MAP2K5: variants seen among roughly 807,000 people sequenced by gnomAD.
MAP2K5 encodes mitogen-activated protein kinase kinase 5, also known as dual specificity mitogen-activated protein kinase kinase 5.
In MAP2K5, 49 loss-of-function variants were observed where a neutral mutation model predicts 83.1. That is an observed-to-expected ratio of 0.59 (90% CI 0.47 to 0.75). The LOEUF is 0.75. Among genes scored for constraint, MAP2K5 ranks in the 30% least tolerant of loss-of-function variants. MAP2K5 has a pLI of 0.00. For missense variants in MAP2K5, 457 were observed against 557.5 expected (o/e 0.82, Z 1.82); for synonymous variants, 202 against 191.8 (o/e 1.05, Z -0.44).
At position 67,690,565 on chromosome 15, in the gene MAP2K5, G is replaced by T. The variant is rs545231277; in HGVS notation, c.848-1914G>T. Among the ~76,000 whole-genome samples, 90 of 148,540 alleles carry T rather than the reference G, an allele frequency of 6.1e-4. No homozygotes were observed. The highest frequency in any genetic ancestry group is 2.1e-3 in the African/African-American group (83 of 40,144). On this transcript the variant is annotated intron_variant, in intron 13 of 21. Coordinates refer to ENST00000178640, the MANE Select transcript of MAP2K5 (RefSeq NM_145160.3). The surrounding 1 kb of genome is among the most constrained non-coding windows in gnomAD (Gnocchi z 4.3). ...TTTTTTTTTTTTTGAGACAAGTCTC[G>T]CTCTGATACCCAGGCTACAGTGCAG...
intron 15 of MAP2K5, among the ~76,000 whole-genome samples, chr15:67,695,966 T>C (rs1450881930): frequency 2.6e-5 from 4 of 151,814 alleles, no homozygotes; most frequent in Admixed American, 2.6e-4. Flanking sequence ...TGAGAGTGAG[T>C]GCTTTGCTCA....
In MAP2K5 at chr15:67,724,311, C is replaced by T. The variant is rs577923503; in HGVS notation, c.1045-3605C>T. ...CTGTGTGTGAAATATTCACTTGGAG[C>T]ATATGTGCTCCTTCTTCCCCATAAG... is the stretch of plus-strand genomic sequence containing the variant. On this transcript the variant is annotated intron_variant, in intron 16 of 21. Coordinates refer to ENST00000178640, the MANE Select transcript of MAP2K5 (RefSeq NM_145160.3). The surrounding 1 kb of genome is among the most constrained non-coding windows in gnomAD (Gnocchi z 4.4). Among the ~76,000 whole-genome samples, 2 of 152,312 alleles carry T rather than the reference C, an allele frequency of 1.3e-5. No individual in the cohort carries two copies. Among genetic ancestry groups the T allele is most frequent in the South Asian group, 4.1e-4 (2 of 4,830 alleles).
chr15:67,729,479 A>G (rs562151523), intron 17 of MAP2K5, among the ~76,000 whole-genome samples: 1 of 152,196 alleles, frequency 6.6e-6, no homozygotes, highest in Non-Finnish European at 1.5e-5. Context: ...TAAGAAATGG[A>G]TTTTGCCATG....
rs2090109991 is a variant in MAP2K5 at position 67,769,895 on chromosome 15, T to C, written c.1196+232T>C. ...GAGCCTTTTTCCTGATTTAATAAACTGCTGAAAGTCATGATACTTCTTTAA... is the reference window on the plus strand; with the variant it reads ...GAGCCTTTTTCCTGATTTAATAAACCGCTGAAAGTCATGATACTTCTTTAA... On this transcript the variant is annotated intron_variant, in intron 20 of 21. Transcript: ENST00000178640. The surrounding 1 kb of genome is among the most constrained non-coding windows in gnomAD (Gnocchi z 5.2). 1 of 419,620 alleles carries C rather than the reference T, an allele frequency of 2.4e-6. No individual in the cohort carries two copies. The highest frequency in any genetic ancestry group is 2.0e-5 in the African/African-American group (1 of 48,856). The allele number at this position is 419,620 out of a possible 1,614,324, so 26.0% of individuals were successfully genotyped here. A position where few individuals can be genotyped will look rare whatever the true frequency, so the allele number is the denominator to read the frequency against.
intron 7 of MAP2K5, among the ~76,000 whole-genome samples, chr15:67,599,490 T>C (rs1329041949): frequency 2.0e-5 from 3 of 152,234 alleles, no homozygotes; most frequent in Non-Finnish European, 4.4e-5. Flanking sequence ...ACTTCAGAAA[T>C]GTGTAGAAGG....
rs965183005 is a variant in MAP2K5 at position 67,748,073 on chromosome 15, C to T, written c.1075-158C>T. Reference sequence around the variant, plus strand: ...CTGACTTTCGCCTATAAATGAGAAGCGAGCTATTAACATTTGTGTATTTTC... The same window carrying T: ...CTGACTTTCGCCTATAAATGAGAAGTGAGCTATTAACATTTGTGTATTTTC... On this transcript the variant is annotated intron_variant, in intron 17 of 21. Transcript: ENST00000178640. This position sits in a 1 kb window ranked among gnomAD's most constrained non-coding sequence, Gnocchi z 4.0. 1.3e-5 allele frequency among the ~76,000 whole-genome samples: 2 copies of T among 152,100 alleles called. No homozygotes were observed. Among genetic ancestry groups the T allele is most frequent in the Non-Finnish European group, 2.9e-5 (2 of 68,026 alleles).
rs2088777825 is a variant in MAP2K5 at position 67,714,413 on chromosome 15, GGAA to G, written c.1044+11006_1044+11008del. 4.7e-4 allele frequency among the ~76,000 whole-genome samples: 20 copies of G among 42,682 alleles called. 10 individuals carry two copies. The highest frequency in any genetic ancestry group is 2.5e-3 in the South Asian group (2 of 804). 28.0% of individuals were successfully genotyped at this position (42,682 alleles called of 152,430 possible). On this transcript the variant is annotated intron_variant, in intron 16 of 21. Coordinates refer to ENST00000178640, the MANE Select transcript of MAP2K5 (RefSeq NM_145160.3). ...CCCCCCACCCCTACCCAGCTGCCAG[GGAA>G]AAAAAAAAAAAAAAAAAAAAAAAAA... is the stretch of plus-strand genomic sequence containing the variant.
chr15:67,629,695 A>G (rs1426626885), intron 8 of MAP2K5, among the ~76,000 whole-genome samples: 1 of 5,434 alleles, frequency 1.8e-4, no homozygotes, highest in Non-Finnish European at 6.4e-4. Flanking sequence ...CTATCCTAAC[A>G]CTTACCAGAT....
chr15:67,598,952 T>C (rs928664389), intron 7 of MAP2K5, among the ~76,000 whole-genome samples: 4 of 152,214 alleles, frequency 2.6e-5, no homozygotes, highest in African/African-American at 9.6e-5. Flanking sequence ...TTTAGATTAC[T>C]TAGAGAAATG....
chr15:67,675,218 T>A (rs2087648121), intron 13 of MAP2K5, among the ~76,000 whole-genome samples: 1 of 152,198 alleles, frequency 6.6e-6, no homozygotes, highest in Non-Finnish European at 1.5e-5. Context: ...AACAGGTGAA[T>A]GGTTAAGCAA....
At chr15:67,655,567 T>C (rs972527870) in intron 11 of MAP2K5, among the ~76,000 whole-genome samples, 7 of 152,208 alleles carry the variant, frequency 4.6e-5, no homozygotes, top group Admixed American at 1.3e-4. Context: ...TGGTTTCTGA[T>C]GAGTAATCAG....
chr15:67,588,660 A>G (rs1320946176), intron 6 of MAP2K5, among the ~76,000 whole-genome samples: 1 of 152,152 alleles, frequency 6.6e-6, no homozygotes, highest in African/African-American at 2.4e-5. Context: ...TTTACATCTT[A>G]CCTCTGGACT....
intron 17 of MAP2K5, among the ~76,000 whole-genome samples, chr15:67,730,243 A>G (rs1380773584): frequency 6.6e-6 from 1 of 152,220 alleles, no homozygotes; most frequent in Non-Finnish European, 1.5e-5. Context: ...CAAAAAAAGC[A>G]CATGAAGAAA....
At position 67,573,657 on chromosome 15, in the gene MAP2K5, G is replaced by C. The variant is rs2084994496; in HGVS notation, c.253-7097G>C. Among the ~76,000 whole-genome samples, 1 of 152,170 alleles carries C rather than the reference G, an allele frequency of 6.6e-6. No homozygotes were observed. The highest frequency in any genetic ancestry group is 2.1e-4 in the South Asian group (1 of 4,832). ...AGCCCCAGGAAGTCAGGCATTCTTA[G>C]TTACAGGATGTTTAGAGTTAAGGGA... On this transcript the variant is annotated intron_variant, in intron 3 of 21. Coordinates refer to ENST00000178640, the MANE Select transcript of MAP2K5 (RefSeq NM_145160.3). This position sits in a 1 kb window ranked among gnomAD's most constrained non-coding sequence, Gnocchi z 4.2.
At chr15:67,766,420 C>T (rs375150490) in intron 19 of MAP2K5, among the ~76,000 whole-genome samples, 1 of 152,240 alleles carries the variant, frequency 6.6e-6, no homozygotes, top group African/African-American at 2.4e-5. Flanking sequence ...ACTGAGAATT[C>T]AGTGTAACTG....
At chr15:67,604,768 G>A (rs1019181347) in intron 8 of MAP2K5, among the ~76,000 whole-genome samples, 3 of 152,020 alleles carry the variant, frequency 2.0e-5, no homozygotes, top group South Asian at 2.1e-4. Flanking sequence ...GGTGGTGGGC[G>A]CCTGTAGTCC....
intron 2 of MAP2K5, among the ~76,000 whole-genome samples, chr15:67,558,012 T>C (rs2084663013): frequency 6.6e-6 from 1 of 152,242 alleles, no homozygotes; most frequent in Non-Finnish European, 1.5e-5. Context: ...AAGAGAGCTT[T>C]AATTTGTTGA....
At chr15:67,734,381 A>G (rs1476178632) in intron 17 of MAP2K5, among the ~76,000 whole-genome samples, 1 of 152,126 alleles carries the variant, frequency 6.6e-6, no homozygotes, top group Non-Finnish European at 1.5e-5. Context: ...TGTTTTTTTC[A>G]ATTGACAGAC....
At chr15:67,710,497 G>GTTTTTTTTTTTTTTTTTTTTTTTTTTTT (rs10609519) in intron 16 of MAP2K5, among the ~76,000 whole-genome samples, 1 of 81,012 alleles carries the variant, frequency 1.2e-5, no homozygotes, top group African/African-American at 4.9e-5. Flanking sequence ...ATCTTCTGAA[G>GTTTTTTTTTTTTTTTTTTTTTTTTTTTT]TTTTTTTTTT....
Sources: gnomAD v4.1 joint callset for allele counts (sites outside exome capture counted in the v4.1 genomes callset) on GRCh38, gnomAD v4.1.1 for gene constraint, Gnocchi (gnomAD v3.1) non-coding constraint, MANE v1.5 for transcripts, NCBI Gene and HGNC (gene_info 2026-07-23, HGNC 2026-07-21) for gene names.